SCHIP1: variants seen among roughly 807,000 people sequenced by gnomAD.
The protein encoded by SCHIP1 is schwannomin-interacting protein 1.
In SCHIP1, 8 loss-of-function variants were observed where a neutral mutation model predicts 29.7. The ratio of observed to expected loss-of-function variants is 0.27; its 90% CI spans 0.16 to 0.49. The LOEUF is 0.49. SCHIP1 is among the 20% of genes least tolerant of loss of function. The pLI is 0.99. For missense variants in SCHIP1, 193 were observed against 294.6 expected (o/e 0.66, Z 2.52); for synonymous variants, 76 against 94.9 (o/e 0.80, Z 1.16).
the SCHIP1 span, among the ~76,000 whole-genome samples, chr3:159,279,278 G>A: frequency 6.6e-5 from 10 of 152,114 alleles, no homozygotes; most frequent in African/African-American, 2.2e-4. Context: ...CTGCACACAC[G>A]CTCTTGCCTG....
the SCHIP1 span, among the ~76,000 whole-genome samples, chr3:159,329,975 T>C: frequency 2.0e-5 from 3 of 152,310 alleles, no homozygotes; most frequent in Admixed American, 2.0e-4. Context: ...TTATCTCCTG[T>C]TAATAAAACA....
the SCHIP1 span, among the ~76,000 whole-genome samples, chr3:159,353,982 A>T: frequency 8.5e-5 from 13 of 152,338 alleles, no homozygotes; most frequent in Admixed American, 1.3e-4. Context: ...TTTAACAGTG[A>T]ATTCAAAGTT....
chr3:159,444,088 G>A, the SCHIP1 span, among the ~76,000 whole-genome samples: 1 of 152,148 alleles, frequency 6.6e-6, no homozygotes, highest in Non-Finnish European at 1.5e-5. Flanking sequence ...AGGGAGCACT[G>A]AGAGGGGGTG....
At chr3:159,350,851 T>G in the SCHIP1 span, among the ~76,000 whole-genome samples, 2 of 152,146 alleles carry the variant, frequency 1.3e-5, no homozygotes, top group South Asian at 4.1e-4. Context: ...CATTGCATCT[T>G]TTGACTTATT....
the SCHIP1 span, among the ~76,000 whole-genome samples, chr3:159,711,942 TTGCTGC>T: frequency 1.3e-5 from 2 of 151,298 alleles, no homozygotes; most frequent in African/African-American, 2.4e-5. Context: ...TAGGAAGATA[TTGCTGC>T]TGCTGCTGCT....
the SCHIP1 span, among the ~76,000 whole-genome samples, chr3:159,437,424 A>G: frequency 6.6e-6 from 1 of 151,994 alleles, no homozygotes; most frequent in South Asian, 2.1e-4. Flanking sequence ...CTTCTTTATT[A>G]ATGTCCTACG....
chr3:159,704,673 C>A, the SCHIP1 span, among the ~76,000 whole-genome samples: 1 of 152,096 alleles, frequency 6.6e-6, no homozygotes, highest in Admixed American at 6.5e-5. Context: ...TGGGAATTTC[C>A]TTTAAACAAA....
At chr3:159,828,812 T>G in the SCHIP1 span, among the ~76,000 whole-genome samples, 1 of 152,116 alleles carries the variant, frequency 6.6e-6, no homozygotes, top group Non-Finnish European at 1.5e-5. Flanking sequence ...GCTGCTAAGA[T>G]ACCTGGAATG....
At chr3:159,696,934 G>A in the SCHIP1 span, among the ~76,000 whole-genome samples, 3 of 152,226 alleles carry the variant, frequency 2.0e-5, no homozygotes, top group Non-Finnish European at 4.4e-5. Flanking sequence ...ATGGAGCAGT[G>A]ACAGCAGTGC....
the SCHIP1 span, among the ~76,000 whole-genome samples, chr3:159,415,616 A>G: frequency 6.6e-6 from 1 of 152,174 alleles, no homozygotes; most frequent in Non-Finnish European, 1.5e-5. Flanking sequence ...GTTCCCACAA[A>G]AGACATGATC....
the SCHIP1 span, among the ~76,000 whole-genome samples, chr3:159,505,813 A>G: frequency 1.3e-5 from 2 of 152,162 alleles, no homozygotes; most frequent in Admixed American, 6.5e-5. Flanking sequence ...ACCATTTTTT[A>G]TGGCTGCATA....
the SCHIP1 span, among the ~76,000 whole-genome samples, chr3:159,573,418 A>G: frequency 6.6e-6 from 1 of 151,690 alleles, no homozygotes; most frequent in Non-Finnish European, 1.5e-5. Context: ...AATTCTTTTA[A>G]GAATGTTGAA....
At chr3:159,584,247 C>T in the SCHIP1 span, among the ~76,000 whole-genome samples, 1 of 152,198 alleles carries the variant, frequency 6.6e-6, no homozygotes, top group Non-Finnish European at 1.5e-5. Context: ...TGGGTACCAT[C>T]CTGATGAGGA....
the SCHIP1 span, among the ~76,000 whole-genome samples, chr3:159,294,540 C>T: frequency 2.6e-5 from 4 of 152,152 alleles, no homozygotes; most frequent in African/African-American, 9.7e-5. Flanking sequence ...AGTGGCACAC[C>T]ATGATTTGTA....
chr3:159,397,172 C>G, the SCHIP1 span, among the ~76,000 whole-genome samples: 31 of 151,730 alleles, frequency 2.0e-4, no homozygotes, highest in Non-Finnish European at 4.4e-4. Flanking sequence ...TCAGCTCCAT[C>G]AGCTCCTTTA....
chr3:159,705,952 G>A, the SCHIP1 span, among the ~76,000 whole-genome samples: 26 of 152,162 alleles, frequency 1.7e-4, no homozygotes, highest in African/African-American at 4.3e-4. Flanking sequence ...TGATCCACCC[G>A]CCTCGGCCTC....
the SCHIP1 span, among the ~76,000 whole-genome samples, chr3:159,489,625 G>A: frequency 6.6e-6 from 1 of 152,118 alleles, no homozygotes; most frequent in Non-Finnish European, 1.5e-5. Flanking sequence ...TACAATGAAT[G>A]TTCAATACTG....
the SCHIP1 span, among the ~76,000 whole-genome samples, chr3:159,353,530 A>T: frequency 4.6e-5 from 7 of 152,142 alleles, no homozygotes; most frequent in Non-Finnish European, 7.4e-5. Context: ...GGCATGAAAA[A>T]AACAACCTGC....
the SCHIP1 span, among the ~76,000 whole-genome samples, chr3:159,369,395 TGTATTCTTTGTCAGCTGTATAAGTGA>T: frequency 6.6e-6 from 1 of 152,284 alleles, no homozygotes; most frequent in African/African-American, 2.4e-5. Context: ...CATTGTGGTA[TGTATTCTTTGTCAGCTGTATAAGTGA>T]GTATTCTTTC....
Sources: allele counts gnomAD v4.1 joint callset (sites outside exome capture counted in the v4.1 genomes callset), GRCh38; gene constraint gnomAD v4.1.1; transcripts MANE v1.5; gene names NCBI Gene and HGNC (gene_info 2026-07-23, HGNC 2026-07-21).